Variants in MAPKAP1 observed in about 807,000 individuals in gnomAD.
MAPKAP1 encodes the protein MAPK associated protein 1.
MAPKAP1 carries 20 observed loss-of-function variants against 65.7 expected under a neutral mutation model. That is an observed-to-expected ratio of 0.30 (90% confidence interval 0.21 to 0.44). MAPKAP1 has a LOEUF of 0.44. Among genes scored for constraint, MAPKAP1 ranks in the 20% least tolerant of loss-of-function variants. The pLI, the probability that MAPKAP1 is intolerant of heterozygous loss-of-function variation, is 1.00. For synonymous variants in MAPKAP1, 222 were observed against 244.3 expected, an observed-to-expected ratio of 0.91 and a Z score of 0.85; for missense variants, 423 against 648.0, an observed-to-expected ratio of 0.65 and a Z score of 3.77.
At chr9:125,577,499 G>A (rs1831460125) in intron 5 of MAPKAP1, among the ~76,000 whole-genome samples, 1 of 137,556 alleles carries the variant, frequency 7.3e-6, no homozygotes, top group South Asian at 2.5e-4. Context: ...CCTCTGCCAG[G>A]CCACCCCTAC....
At chr9:125,588,578 G>T (rs1287719575) in intron 4 of MAPKAP1, among the ~76,000 whole-genome samples, 2 of 152,132 alleles carry the variant, frequency 1.3e-5, no homozygotes, top group Admixed American at 6.5e-5. Context: ...TGAAAAATAT[G>T]TATTTCAAAA....
chr9:125,626,631 C>T (rs767834027), intron 4 of MAPKAP1, among the ~76,000 whole-genome samples: 2 of 152,184 alleles, frequency 1.3e-5, no homozygotes, highest in East Asian at 1.9e-4. Flanking sequence ...AGAGGATTTC[C>T]GTCATCATAG....
Position 125,698,287 on chromosome 9 carries a change from AAATATATATATATATAT to A in MAPKAP1, c.-70+8667_-70+8683del, listed in dbSNP as rs1379755642. 5.9e-4 allele frequency among the ~76,000 whole-genome samples: 16 copies of A among 27,112 alleles called. 1 individual carries two copies. Among genetic ancestry groups the A allele is most frequent in the African/African-American group, 2.1e-3 (14 of 6,528 alleles). 17.8% of individuals were successfully genotyped at this position (27,112 alleles called of 152,430 possible). On this transcript the variant is annotated intron_variant, in intron 1 of 11. Transcript: ENST00000265960. ...AATATATATAATACATAATATATAT[AAATATATATATATATAT>A]ATATATATATATATATATATATATA...
At chr9:125,471,363 A>C (rs1302497627) in intron 9 of MAPKAP1, 1 of 152,850 alleles carries the variant, frequency 6.5e-6, no homozygotes, top group East Asian at 1.9e-4. Context: ...TGGAGGAGAG[A>C]TCAGTGAGGA....
chr9:125,551,275 A>C (rs974453637), intron 6 of MAPKAP1, among the ~76,000 whole-genome samples: 6 of 152,202 alleles, frequency 3.9e-5, no homozygotes, highest in African/African-American at 1.4e-4. Context: ...AGGTCTGGTC[A>C]CTTGGGGTAT....
At chr9:125,691,502 G>A (rs1835169758) in intron 1 of MAPKAP1, among the ~76,000 whole-genome samples, 2 of 152,150 alleles carry the variant, frequency 1.3e-5, no homozygotes, top group African/African-American at 4.8e-5. Context: ...ACACAAACCT[G>A]AGAGCCCAGG....
Position 125,584,526 on chromosome 9 carries a change from C to A in MAPKAP1, c.671+1029G>T, listed in dbSNP as rs542945695. On this transcript the variant is annotated intron_variant, in intron 5 of 11. Coordinates refer to ENST00000265960, the MANE Select transcript of MAPKAP1 (RefSeq NM_001006617.3). ...CGATCTCGGTTCACTGCAACCTCTGCAGCGATTCTCCTGCCTCAGCCTCCT... is the reference window on the plus strand; with the variant it reads ...CGATCTCGGTTCACTGCAACCTCTGAAGCGATTCTCCTGCCTCAGCCTCCT... Among the ~76,000 whole-genome samples the A allele has an allele frequency of 5.3e-4, 81 of 152,164 alleles. No homozygotes were observed. In the Middle Eastern group the frequency reaches 0.01, roughly 19 times the overall value.
At chr9:125,562,097 A>G (rs185611952) in intron 5 of MAPKAP1, among the ~76,000 whole-genome samples, 6 of 152,352 alleles carry the variant, frequency 3.9e-5, no homozygotes, top group African/African-American at 1.4e-4. Context: ...GGAATGTTTG[A>G]TTCTCCAGCA....
chr9:125,626,157 C>T (rs1026545440), intron 4 of MAPKAP1, among the ~76,000 whole-genome samples: 13 of 152,202 alleles, frequency 8.5e-5, no homozygotes, highest in African/African-American at 3.1e-4. Flanking sequence ...AACTGCTCTA[C>T]CAGGCTTCTG....
chr9:125,524,661 G>T (rs1414787269), intron 7 of MAPKAP1, among the ~76,000 whole-genome samples: 7 of 152,180 alleles, frequency 4.6e-5, no homozygotes. Context: ...TTTCTTTCTT[G>T]TTAGATCTAT....
At chr9:125,667,250 AT>A (rs1314667046) in intron 3 of MAPKAP1, among the ~76,000 whole-genome samples, 1 of 152,208 alleles carries the variant, frequency 6.6e-6, no homozygotes, top group Non-Finnish European at 1.5e-5. Flanking sequence ...ATGTATCAAA[AT>A]TTAAGCTGAA....
At chr9:125,661,028 T>C (rs1834170503) in intron 3 of MAPKAP1, among the ~76,000 whole-genome samples, 1 of 151,936 alleles carries the variant, frequency 6.6e-6, no homozygotes, top group Non-Finnish European at 1.5e-5. Flanking sequence ...ATTCTAAAAG[T>C]AAAGAAGACA....
intron 7 of MAPKAP1, among the ~76,000 whole-genome samples, chr9:125,511,134 G>A (rs1829285968): frequency 1.3e-5 from 2 of 151,982 alleles, no homozygotes; most frequent in African/African-American, 2.4e-5. Flanking sequence ...TGCATTAATA[G>A]TGTGATTTAA....
At chr9:125,577,180 G>C (rs577628) in intron 5 of MAPKAP1, among the ~76,000 whole-genome samples, 1 of 150,026 alleles carries the variant, frequency 6.7e-6, no homozygotes, top group African/African-American at 2.4e-5. Flanking sequence ...CGCCCCGTCC[G>C]GGATGTGAGG....
At chr9:125,514,882 C>A (rs181213507) in intron 7 of MAPKAP1, among the ~76,000 whole-genome samples, 1 of 152,226 alleles carries the variant, frequency 6.6e-6, no homozygotes, top group Non-Finnish European at 1.5e-5. Context: ...AAAGCCACTA[C>A]GCTGATGCCG....
rs188394156 is a variant in MAPKAP1, at chr9:125,552,105, G to A, written c.848+7528C>T. Among the ~76,000 whole-genome samples the A allele has an allele frequency of 5.0e-3, 755 of 152,268 alleles. 5 individuals are homozygous for A. The highest frequency in any genetic ancestry group is 6.8e-3 in the Middle Eastern group (2 of 294). Reference sequence around the variant, plus strand: ...ATCTTTACTGCTTAAGCTCAAAGTAGTCAGCAAGTTAGGGATTCCCATTTA... The same window carrying A: ...ATCTTTACTGCTTAAGCTCAAAGTAATCAGCAAGTTAGGGATTCCCATTTA... On this transcript the variant is annotated intron_variant, in intron 6 of 11. Transcript: ENST00000265960.
chr9:125,448,476 C>G (rs1178977352), intron 10 of MAPKAP1, among the ~76,000 whole-genome samples: 1 of 152,158 alleles, frequency 6.6e-6, no homozygotes, highest in African/African-American at 2.4e-5. Flanking sequence ...CACCTGTTAT[C>G]AGATACCATC....
At chr9:125,464,199 T>C (rs1238021145) in intron 10 of MAPKAP1, among the ~76,000 whole-genome samples, 1 of 82,542 alleles carries the variant, frequency 1.2e-5, no homozygotes, top group Non-Finnish European at 2.2e-5. Context: ...CCCTGTCTCA[T>C]ATATTAAAAA....
At chr9:125,706,262 A>G (rs1835755161) in intron 1 of MAPKAP1, among the ~76,000 whole-genome samples, 2 of 151,896 alleles carry the variant, frequency 1.3e-5, no homozygotes, top group South Asian at 4.1e-4. Flanking sequence ...TTTTAAACCA[A>G]TGGGTCTCCA....
Sources: gnomAD v4.1 joint callset for allele counts (sites outside exome capture counted in the v4.1 genomes callset) on GRCh38, gnomAD v4.1.1 for gene constraint, MANE v1.5 for transcripts, NCBI Gene and HGNC (gene_info 2026-07-23, HGNC 2026-07-21) for gene names.